The following USP24 variants were observed in gnomAD, a reference collection of about 807,000 sequenced individuals.
USP24 encodes ubiquitin carboxyl-terminal hydrolase 24.
In USP24, 97 loss-of-function variants were observed where a neutral mutation model predicts 361.6. That is an observed-to-expected ratio of 0.27 (90% CI 0.23 to 0.32). The LOEUF is 0.32. Ranked by LOEUF, USP24 falls within the 10% of genes least tolerant of loss-of-function variation. The pLI is 1.00. For synonymous variants in USP24, 1,098 were observed against 1,124.6 expected (o/e 0.98, Z 0.47); for missense variants, 2,353 against 3,165.6 (o/e 0.74, Z 6.16).
intron 5 of USP24, among the ~76,000 whole-genome samples, chr1:55,169,174 T>C (rs1000933277): frequency 7.9e-5 from 12 of 151,510 alleles, no homozygotes; most frequent in African/African-American, 2.9e-4. Context: ...GTAACCAAAA[T>C]TAAAGACTTA....
chr1:55,147,579 T>C, intron 18 of USP24, 70 bp downstream of exon 18: 2 of 1,412,994 alleles, frequency 1.4e-6, no homozygotes, highest in South Asian at 3.4e-5. Context: ...AAAAATTCTT[T>C]TTATAGTATA....
intron 32 of USP24, among the ~76,000 whole-genome samples, chr1:55,128,712 C>CTTTTTTTTTTTTTTTTTTTTT (rs1557604215): frequency 7.1e-6 from 1 of 141,522 alleles, no homozygotes; most frequent in Non-Finnish European, 1.6e-5. Context: ...TGCTTTAATA[C>CTTTTTTTTTTTTTTTTTTTTT]CTTTTTTTTT....
intron 53 of USP24, among the ~76,000 whole-genome samples, chr1:55,092,327 A>T (rs1198131927): frequency 6.6e-6 from 1 of 152,250 alleles, no homozygotes; most frequent in Non-Finnish European, 1.5e-5. Flanking sequence ...TTAAGAAAAG[A>T]CATTGTCTTC....
chr1:55,144,078 G>A lies in USP24; in HGVS notation c.2439+49C>T, dbSNP rs760012883. On this transcript the variant is annotated intron_variant, in intron 21 of 67. Transcript: ENST00000294383. ...CACTTTTTTTTTTGCTGAATATCAA[G>A]TTATACTAGATTATCCAAACTATCT... 38 of 1,419,594 alleles carry A rather than the reference G, an allele frequency of 2.7e-5. 1 individual carries two copies. The highest frequency in any genetic ancestry group is 3.6e-4 in the Middle Eastern group (2 of 5,520). The allele number at this position is 1,419,594 out of a possible 1,614,324, so 87.9% of individuals were successfully genotyped here.
At chr1:55,101,093 G>T in intron 43 of USP24, 129 bp from the exon 44 acceptor site, 1 of 1,090,520 alleles carries the variant, frequency 9.2e-7, no homozygotes, top group Non-Finnish European at 1.3e-6. Flanking sequence ...TGGCTATAAT[G>T]CTGCAGATAT....
intron 16 of USP24, among the ~76,000 whole-genome samples, chr1:55,149,782 T>C (rs1400732917): frequency 1.3e-5 from 2 of 152,242 alleles, no homozygotes; most frequent in Non-Finnish European, 2.9e-5. Flanking sequence ...CCTATCATTT[T>C]AGTTGTTACC....
At chr1:55,179,277 T>C (rs1390302171) in intron 1 of USP24, among the ~76,000 whole-genome samples, 1 of 152,144 alleles carries the variant, frequency 6.6e-6, no homozygotes, top group Non-Finnish European at 1.5e-5. Context: ...GCTGTTCTAG[T>C]CTGTCTCCTC....
At chr1:55,071,122 T>TA (rs536274762) in intron 67 of USP24, 77 of 974,698 alleles carry the variant, frequency 7.9e-5, no homozygotes, top group Middle Eastern at 1.1e-3. Context: ...AGATAACACT[T>TA]AAAAAAAAAT....
intron 16 of USP24, chr1:55,152,073 A>C: frequency 1.3e-6 from 1 of 764,100 alleles, no homozygotes; most frequent in Non-Finnish European, 1.6e-6. Flanking sequence ...TGATCTTCCC[A>C]CTGCCCCCCT....
intron 2 of USP24, 90 bp downstream of exon 2, chr1:55,177,877 C>T (rs1650148158): frequency 1.6e-6 from 2 of 1,263,412 alleles, no homozygotes; most frequent in East Asian, 2.5e-5. Flanking sequence ...TGTCCAATAA[C>T]ACACAGCTAG....
chr1:55,214,898 G>T lies in USP24; in HGVS notation c.216C>A (p.Gly72=), dbSNP rs1644949884. Residue 72 remains glycine, a synonymous_variant, in exon 1 of 68, where the codon GGC becomes GGA. Coordinates refer to ENST00000294383, the MANE Select transcript of USP24 (RefSeq NM_015306.3). ...CGCCGCCGCCGTCACCTCCGCCGTC[G>T]CCCCGCGGGCCCCCGCCGGGCCCGG... ...PSPGPGGGPR[G]DGGGDGGGGG... is the part of the protein sequence containing the mutation. 10 of 1,264,756 alleles carry T rather than the reference G, an allele frequency of 7.9e-6. No homozygotes were observed. Among genetic ancestry groups the T allele is most frequent in the Non-Finnish European group, 1.0e-5 (10 of 998,532 alleles). 78.3% of individuals were successfully genotyped at this position (1,264,756 alleles called of 1,614,324 possible). A position where few individuals can be genotyped will look rare whatever the true frequency, so the allele number is the denominator to read the frequency against.
chr1:55,213,596 T>C (rs1225278646), intron 1 of USP24, among the ~76,000 whole-genome samples: 1 of 152,170 alleles, frequency 6.6e-6, no homozygotes, highest in African/African-American at 2.4e-5. Context: ...TCCCAATAAT[T>C]TGAGATCTGT....
chr1:55,157,795 C>T (rs1203871478), intron 10 of USP24, among the ~76,000 whole-genome samples: 1 of 149,588 alleles, frequency 6.7e-6, no homozygotes, highest in Non-Finnish European at 1.5e-5. Flanking sequence ...GATTGTGCCA[C>T]TGCACTCCAG....
Position 55,137,556 on chromosome 1 carries a change from T to C in USP24, c.3160A>G (p.Ser1054Gly), listed in dbSNP as rs147757674. The C allele has an allele frequency of 1.6e-4, 255 of 1,613,468 alleles. 2 individuals are homozygous for C. The African/African-American group carries it at 2.6e-3, about 17-fold the overall frequency. ...SADSSTSSSSSSSGVFSSSYA... is the reference protein window; with the variant it reads ...SADSSTSSSSGSSGVFSSSYA... Reference sequence around the variant, plus strand: ...GAAGAACTAAAAACCCCACTGCTGCTGCTGCTGGAGCTGGTTGAAGAATCT... The same window carrying C: ...GAAGAACTAAAAACCCCACTGCTGCCGCTGCTGGAGCTGGTTGAAGAATCT... Residue 1054 changes from serine to glycine, a missense_variant, in exon 28 of 68, where the codon AGC becomes GGC. Physicochemically the swap from Ser to Gly is moderately conservative, Grantham distance 56. Coordinates refer to ENST00000294383, the MANE Select transcript of USP24 (RefSeq NM_015306.3).
At chr1:55,134,609 C>T (rs776840724) in intron 28 of USP24, among the ~76,000 whole-genome samples, 196 bp from the exon 29 acceptor site, 1 of 152,134 alleles carries the variant, frequency 6.6e-6, no homozygotes, top group African/African-American at 2.4e-5. Context: ...TACCTCCTAG[C>T]GTGTATTACT....
intron 13 of USP24, 69 bp downstream of exon 13, chr1:55,154,602 G>T: frequency 2.0e-6 from 3 of 1,465,198 alleles, no homozygotes; most frequent in African/African-American, 2.8e-5. Flanking sequence ...GGGAGGAGGG[G>T]TATTCAGGAC....
intron 38 of USP24, among the ~76,000 whole-genome samples, chr1:55,117,596 C>T (rs1240465171): frequency 1.3e-5 from 2 of 151,748 alleles, no homozygotes; most frequent in Non-Finnish European, 2.9e-5. Context: ...GGCGCGGTGG[C>T]GGGCGCCTGT....
intron 40 of USP24, 99 bp downstream of exon 40, chr1:55,107,140 G>T: frequency 7.2e-7 from 1 of 1,398,232 alleles, no homozygotes; most frequent in Non-Finnish European, 9.6e-7. Flanking sequence ...ATTTTCCATG[G>T]AACACTTGGC....
chr1:55,138,911 C>A (rs1270656433), intron 25 of USP24, 33 bp downstream of exon 25: 49 of 1,601,944 alleles, frequency 3.1e-5, no homozygotes, highest in Non-Finnish European at 4.2e-5. Flanking sequence ...CCAGCCTAAG[C>A]AACATACATC....
Sources: gnomAD v4.1 joint callset for allele counts (sites outside exome capture counted in the v4.1 genomes callset) on GRCh38, gnomAD v4.1.1 for gene constraint, MANE v1.5 for transcripts, NCBI Gene and HGNC (gene_info 2026-07-23, HGNC 2026-07-21) for gene names.